The following RSPO1 variants were observed in gnomAD, a reference collection of about 807,000 sequenced individuals.
RSPO1 encodes the protein R-spondin-1.
Under a neutral mutation model 26.0 loss-of-function variants are expected in RSPO1, and 18 were observed. The ratio of observed to expected loss-of-function variants is 0.69; its 90% CI spans 0.48 to 1.03. RSPO1 has a LOEUF of 1.03. Ranked by LOEUF, RSPO1 falls within the 50% of genes least tolerant of loss-of-function variation. RSPO1 has a pLI of 0.00. For synonymous variants in RSPO1, 133 were observed against 137.4 expected, an observed-to-expected ratio of 0.97 and a Z score of 0.22; for missense variants, 309 against 352.3, an observed-to-expected ratio of 0.88 and a Z score of 0.98.
At chr1:37,621,855 G>A (rs1251912401) in intron 3 of RSPO1, among the ~76,000 whole-genome samples, 3 of 147,728 alleles carry the variant, frequency 2.0e-5, no homozygotes, top group African/African-American at 7.6e-5. Flanking sequence ...AGGCTAGACT[G>A]CAGTGTCACA....
intron 4 of RSPO1, among the ~76,000 whole-genome samples, chr1:37,615,169 G>T (rs1487683208): frequency 6.6e-6 from 1 of 152,170 alleles, no homozygotes; most frequent in Admixed American, 6.5e-5. Flanking sequence ...TGAGGACCAA[G>T]AGGGTAGCTC....
intron 3 of RSPO1, among the ~76,000 whole-genome samples, chr1:37,620,629 AAATAATAATAAT>A (rs56294873): frequency 0.042 from 6,142 of 146,072 alleles, 180 homozygotes; most frequent in Non-Finnish European, 0.064. Context: ...CTCTGTCTCA[AAATAATAATAAT>A]AATAATAATA....
At chr1:37,617,691 AG>A (rs1439772531) in intron 3 of RSPO1, among the ~76,000 whole-genome samples, 2 of 147,342 alleles carry the variant, frequency 1.4e-5, no homozygotes, top group Non-Finnish European at 3.0e-5. Flanking sequence ...AAAAAAAAAG[AG>A]AGAACCATCT....
chr1:37,612,888 C>T lies in RSPO1; in HGVS notation c.659G>A (p.Arg220Gln), dbSNP rs780621142. 1.2e-5 allele frequency: 19 copies of T among 1,614,128 alleles called. No individual in the cohort carries two copies. Among genetic ancestry groups the T allele is most frequent in the East Asian group, 6.7e-5 (3 of 44,886 alleles). ...GGCCAGGTTCCTGTTGGCATTCTCC[C>T]GCCGGCCCTGGCCTCCCTTCCTCCT... ...QKRRKGGQGRRENANRNLARK... is the reference protein window; with the variant it reads ...QKRRKGGQGRQENANRNLARK... Residue 220 changes from arginine to glutamine, a missense_variant, in exon 7 of 7, where the codon CGG becomes CAG. By Grantham distance (43) the Arg-to-Gln change is conservative. Transcript: ENST00000356545.
chr1:37,621,974 G>A (rs754796621), intron 3 of RSPO1, among the ~76,000 whole-genome samples: 1 of 151,952 alleles, frequency 6.6e-6, no homozygotes, highest in African/African-American at 2.4e-5. Flanking sequence ...GCTAAGAAGA[G>A]GTGGAGTTCT....
Position 37,613,973 on chromosome 1 carries a change from G to A in RSPO1, c.437-81C>T, listed in dbSNP as rs766450564. On this transcript the variant is annotated intron_variant, in intron 5 of 6. Transcript: ENST00000356545. This position sits in a 1 kb window ranked among gnomAD's most constrained non-coding sequence, Gnocchi z 4.5. Reference sequence around the variant, plus strand: ...CTCCTCTGGCCCAGAATAGCCCAGGGGAGCATCTCCCACTTTCCTTCTGCC... The same window carrying A: ...CTCCTCTGGCCCAGAATAGCCCAGGAGAGCATCTCCCACTTTCCTTCTGCC... The A allele has an allele frequency of 1.7e-4, 259 of 1,502,078 alleles. 1 individual carries two copies. Among genetic ancestry groups the A allele is most frequent in the Non-Finnish European group, 2.2e-4 (239 of 1,080,056 alleles). The allele number at this position is 1,502,078 out of a possible 1,614,324, so 93.0% of individuals were successfully genotyped here.
chr1:37,633,012 T>C (rs1369388166), intron 1 of RSPO1, among the ~76,000 whole-genome samples: 1 of 152,184 alleles, frequency 6.6e-6, no homozygotes, highest in Non-Finnish European at 1.5e-5. Flanking sequence ...CCTCAGGTTA[T>C]TGGTGGGGGT....
intron 3 of RSPO1, among the ~76,000 whole-genome samples, chr1:37,620,204 A>G (rs1275940486): frequency 1.3e-5 from 2 of 152,180 alleles, no homozygotes; most frequent in Admixed American, 1.3e-4. Flanking sequence ...TGGTTAGACT[A>G]TATATTTTTG....
intron 3 of RSPO1, among the ~76,000 whole-genome samples, chr1:37,624,042 G>A (rs1257287745): frequency 6.6e-6 from 1 of 152,116 alleles, no homozygotes; most frequent in Admixed American, 6.5e-5. Flanking sequence ...TTACAGGCGT[G>A]AGCCACCAAG....
intron 3 of RSPO1, among the ~76,000 whole-genome samples, chr1:37,627,875 A>T (rs1259301063): frequency 6.6e-6 from 1 of 152,164 alleles, no homozygotes; most frequent in Non-Finnish European, 1.5e-5. Context: ...GCCTCTTACC[A>T]TCAAGGATGT....
At chr1:37,619,969 G>A (rs886637753) in intron 3 of RSPO1, among the ~76,000 whole-genome samples, 17 of 151,912 alleles carry the variant, frequency 1.1e-4, no homozygotes, top group African/African-American at 3.9e-4. Context: ...GGCTGGTCTC[G>A]AACTCTCGAC....
chr1:37,623,983 A>C (rs564398052), intron 3 of RSPO1, among the ~76,000 whole-genome samples: 15 of 152,010 alleles, frequency 9.9e-5, no homozygotes, highest in African/African-American at 3.6e-4. Flanking sequence ...GCTGGTCTTA[A>C]ACTCCTGACC....
chr1:37,627,561 A>T (rs1273366791), intron 3 of RSPO1, among the ~76,000 whole-genome samples: 1 of 152,076 alleles, frequency 6.6e-6, no homozygotes, highest in Non-Finnish European at 1.5e-5. Flanking sequence ...GAGGCAGGAG[A>T]ATCACTTGAA....
At chr1:37,628,985 C>T (rs118067756) in intron 3 of RSPO1, among the ~76,000 whole-genome samples, 1 of 152,342 alleles carries the variant, frequency 6.6e-6, no homozygotes, top group East Asian at 1.9e-4. Context: ...CCCCTGCCTG[C>T]TTGTCTCCCC....
chr1:37,616,370 C>T (rs534794222), intron 4 of RSPO1, 114 bp downstream of exon 4: 1 of 926,186 alleles, frequency 1.1e-6, no homozygotes, highest in South Asian at 1.5e-5. Context: ...AGCCTCATCT[C>T]CTCTCCTCAG....
In RSPO1 at chr1:37,613,676, C is replaced by A. The variant is rs769857936; in HGVS notation, c.625+28G>T. On this transcript the variant is annotated intron_variant, in intron 6 of 6. Transcript: ENST00000356545. This position sits in a 1 kb window ranked among gnomAD's most constrained non-coding sequence, Gnocchi z 4.5. Reference sequence around the variant, plus strand: ...GTCATGGCTGGTGCCTGAGCCCTGACCCCAGGGAGGCAGAGGCTGCAGCTC... The same window carrying A: ...GTCATGGCTGGTGCCTGAGCCCTGAACCCAGGGAGGCAGAGGCTGCAGCTC... 1.3e-6 allele frequency: 2 copies of A among 1,595,898 alleles called. No homozygotes were observed. Among genetic ancestry groups the A allele is most frequent in the South Asian group, 2.2e-5 (2 of 90,326 alleles).
In RSPO1 at chr1:37,613,987, T is replaced by A; in HGVS notation, c.437-95A>T. ...AATAGCCCAGGGGAGCATCTCCCAC[T>A]TTCCTTCTGCCTGGACCTGAGGCTG... On this transcript the variant is annotated intron_variant, in intron 5 of 6. Transcript: ENST00000356545. This position sits in a 1 kb window ranked among gnomAD's most constrained non-coding sequence, Gnocchi z 4.5. 6.9e-7 allele frequency: 1 copy of A among 1,452,318 alleles called. No homozygotes were observed. Among genetic ancestry groups the A allele is most frequent in the Non-Finnish European group, 9.6e-7 (1 of 1,037,010 alleles). The allele number at this position is 1,452,318 out of a possible 1,614,324, so 90.0% of individuals were successfully genotyped here.
At chr1:37,619,256 G>A (rs150739515) in intron 3 of RSPO1, among the ~76,000 whole-genome samples, 44 of 152,286 alleles carry the variant, frequency 2.9e-4, no homozygotes, top group African/African-American at 8.7e-4. Context: ...AAAAGAGCCA[G>A]GGAGAGAGGA....
chr1:37,624,157 C>T (rs969730025), intron 3 of RSPO1, among the ~76,000 whole-genome samples: 1 of 152,008 alleles, frequency 6.6e-6, no homozygotes, highest in African/African-American at 2.4e-5. Flanking sequence ...CACAGTGGCA[C>T]ATGCTGTAGT....
Sources: gnomAD v4.1 joint callset for allele counts (sites outside exome capture counted in the v4.1 genomes callset) on GRCh38, gnomAD v4.1.1 for gene constraint, Gnocchi (gnomAD v3.1) non-coding constraint, MANE v1.5 for transcripts, NCBI Gene and HGNC (gene_info 2026-07-23, HGNC 2026-07-21) for gene names.